Variants in TOX4 observed in about 807,000 individuals in gnomAD.
TOX4 encodes epidermal Langerhans cell protein LCP1.
A neutral mutation model predicts 61.0 loss-of-function variants in TOX4; 12 were observed. That is an observed-to-expected ratio of 0.20 (90% CI 0.13 to 0.32). TOX4 has a LOEUF of 0.32. TOX4 is among the 10% of genes least tolerant of loss of function. TOX4 has a pLI of 1.00. For missense variants in TOX4, 499 were observed against 753.3 expected, an observed-to-expected ratio of 0.66 and a Z score of 3.95; for synonymous variants, 268 against 274.8, an observed-to-expected ratio of 0.98 and a Z score of 0.24.
chr14:21,478,102 A>G (rs922388592), intron 2 of TOX4, among the ~76,000 whole-genome samples: 3 of 152,062 alleles, frequency 2.0e-5, no homozygotes, highest in Admixed American at 2.0e-4. Flanking sequence ...ACGCTCGGCT[A>G]ATTTTTGTAT....
Position 21,477,552 on chromosome 14 carries a change from G to A in TOX4, c.63G>A (p.Leu21=). ...LTITGPSHPF[L]SGAETFHTPS... ...TCACAGGGCCTTCGCACCCCTTCCT[G>A]TCAGGGGCCGAGGTGAGCCAGAGCT... is the stretch of plus-strand genomic sequence containing the variant. Residue 21 remains leucine (L), a synonymous_variant, in exon 2 of 9, where the codon CTG becomes CTA. Coordinates refer to ENST00000448790, the MANE Select transcript of TOX4 (RefSeq NM_014828.4). 1.2e-6 allele frequency: 2 copies of A among 1,613,698 alleles called. No individual in the cohort carries two copies. The highest frequency in any genetic ancestry group is 1.3e-5 in the African/African-American group (1 of 75,028).
chr14:21,479,359 A>G (rs1011745603), intron 2 of TOX4, among the ~76,000 whole-genome samples: 1 of 151,358 alleles, frequency 6.6e-6, no homozygotes, highest in Non-Finnish European at 1.5e-5. Flanking sequence ...AATTTTAAAA[A>G]AACAGGTGAG....
At chr14:21,495,014 C>G (rs1052361035) in intron 7 of TOX4, among the ~76,000 whole-genome samples, 1 of 152,104 alleles carries the variant, frequency 6.6e-6, no homozygotes, top group Non-Finnish European at 1.5e-5. Context: ...CACCTTTCTC[C>G]TGATGGGAAG....
Position 21,495,267 on chromosome 14 carries a change from T to C in TOX4, c.1680T>C (p.Ser560=), listed in dbSNP as rs1371661939. ...SPSQMDVELV[S]GSPVALSPQP... ...CTCAGATGGATGTTGAATTGGTGAG[T>C]GGGTCTCCTGTGGCACTCTCACCCC... Residue 560 remains serine, a synonymous_variant, in exon 8 of 9, where the codon AGT becomes AGC. Transcript: ENST00000448790. 2.5e-6 allele frequency: 4 copies of C among 1,614,054 alleles called. No homozygotes were observed. Among genetic ancestry groups the C allele is most frequent in the Non-Finnish European group, 3.4e-6 (4 of 1,180,048 alleles).
chr14:21,485,874 G>GAAA (rs552068062), intron 2 of TOX4, among the ~76,000 whole-genome samples: 4 of 75,390 alleles, frequency 5.3e-5, no homozygotes, highest in African/African-American at 1.5e-4. Context: ...TCAAAAAAAA[G>GAAA]AAAAAAAAAA....
At position 21,492,951 on chromosome 14, in the gene TOX4, C is replaced by T. The variant is rs1594431466; in HGVS notation, c.1335C>T (p.Pro445=). The change falls in exon 7 of 9, where the codon CCC becomes CCT. Residue 445 remains proline (P), a synonymous_variant. Coordinates refer to ENST00000448790, the MANE Select transcript of TOX4 (RefSeq NM_014828.4). ...AACTGCCTCCACCCCGACTACAGCC[C>T]CCTCCATTACAACAGATGCCACAGC... is the stretch of plus-strand genomic sequence containing the variant. ...SMQLPPPRLQ[P]PPLQQMPQPP... 1 of 1,613,550 alleles carries T rather than the reference C, an allele frequency of 6.2e-7. No individual in the cohort carries two copies. The highest frequency in any genetic ancestry group is 8.5e-7 in the Non-Finnish European group (1 of 1,179,854).
chr14:21,495,167 C>A, intron 7 of TOX4, 62 bp from the exon 8 acceptor site: 1 of 1,563,628 alleles, frequency 6.4e-7, no homozygotes, highest in Non-Finnish European at 8.7e-7. Flanking sequence ...GATAATTTAG[C>A]TAACTAGCTA....
intron 2 of TOX4, 86 bp from the exon 3 acceptor site, chr14:21,487,365 C>G: frequency 6.6e-7 from 1 of 1,515,404 alleles, no homozygotes; most frequent in East Asian, 2.3e-5. Flanking sequence ...TCCTGAGAAT[C>G]TCTAGTACCC....
At position 21,495,965 on chromosome 14, in the gene TOX4, G is replaced by A. The variant is rs189091917; in HGVS notation, c.1805+573G>A. 658 of 153,248 alleles carry A rather than the reference G, an allele frequency of 4.3e-3. 4 individuals are homozygous for A. Among genetic ancestry groups the A allele is most frequent in the Non-Finnish European group, 5.9e-3 (405 of 68,842 alleles). The allele number at this position is 153,248 out of a possible 1,614,324, so 9.5% of individuals were successfully genotyped here. A position where few individuals can be genotyped will look rare whatever the true frequency, so the allele number is the denominator to read the frequency against. ...CAAGGTGATACTATCTCACCATAAT[G>A]CTGTAGGAAATTATCTGGGAACCTA... On this transcript the variant is annotated intron_variant, in intron 8 of 8. Transcript: ENST00000448790.
Position 21,477,288 on chromosome 14 carries a change from G to A in TOX4, c.6+4G>A. ...GAGCGGTTGTGTGAAGATGGAGGTAGGAACCTGATAGCTAAGAAGGCTGGC... is the reference window on the plus strand; with the variant it reads ...GAGCGGTTGTGTGAAGATGGAGGTAAGAACCTGATAGCTAAGAAGGCTGGC... On this transcript the variant is annotated splice_donor_region_variant and intron_variant, in intron 1 of 8. Transcript: ENST00000448790. 6.2e-7 allele frequency: 1 copy of A among 1,614,070 alleles called. No individual in the cohort carries two copies.
At chr14:21,494,945 C>T (rs1891369787) in intron 7 of TOX4, among the ~76,000 whole-genome samples, 1 of 151,180 alleles carries the variant, frequency 6.6e-6, no homozygotes. Flanking sequence ...CACTACCTCT[C>T]TATTCCCACT....
At chr14:21,477,655 G>A in intron 2 of TOX4, 91 bp downstream of exon 2, 2 of 1,462,112 alleles carry the variant, frequency 1.4e-6, no homozygotes, top group South Asian at 2.3e-5. Context: ...CCGGGGACGG[G>A]GGCTGGGAAC....
chr14:21,493,567 G>A (rs752297284), intron 7 of TOX4, among the ~76,000 whole-genome samples: 5 of 151,842 alleles, frequency 3.3e-5, no homozygotes, highest in Non-Finnish European at 5.9e-5. Flanking sequence ...TCAGCCTCCC[G>A]AGTGGCTGGG....
In TOX4 at chr14:21,487,443, C is replaced by T. The variant is rs199784531; in HGVS notation, c.76-8C>T. 2 of 1,608,128 alleles carry T rather than the reference C, an allele frequency of 1.2e-6. No individual in the cohort carries two copies. The highest frequency in any genetic ancestry group is 1.7e-6 in the Non-Finnish European group (2 of 1,177,366). ...CACTAATTCTTTTCCCCCTTTTTTC[C>T]CCTACAGACATTCCATACACCAAGC... is the stretch of plus-strand genomic sequence containing the variant. On this transcript the variant is annotated splice_region_variant and splice_polypyrimidine_tract_variant and intron_variant, in intron 2 of 8. Transcript: ENST00000448790.
At chr14:21,478,135 A>G (rs535316242) in intron 2 of TOX4, among the ~76,000 whole-genome samples, 90 of 152,258 alleles carry the variant, frequency 5.9e-4, no homozygotes, top group African/African-American at 2.1e-3. Flanking sequence ...TGGCAGTTTC[A>G]CCATATTGGC....
intron 5 of TOX4, 133 bp from the exon 6 acceptor site, chr14:21,492,163 G>A: frequency 1.2e-6 from 1 of 824,486 alleles, no homozygotes; most frequent in Non-Finnish European, 1.9e-6. Flanking sequence ...TTTCAGAATT[G>A]AATTCACTGA....
At chr14:21,487,374 C>T (rs1891206049) in intron 2 of TOX4, 77 bp from the exon 3 acceptor site, 3 of 1,538,806 alleles carry the variant, frequency 1.9e-6, no homozygotes, top group Non-Finnish European at 2.6e-6. Context: ...TCTCTAGTAC[C>T]CCATTATGTT....
intron 2 of TOX4, 37 bp from the exon 3 acceptor site, chr14:21,487,414 T>C: frequency 4.4e-6 from 7 of 1,603,726 alleles, no homozygotes; most frequent in Non-Finnish European, 6.0e-6. Flanking sequence ...ATTTCTCCTC[T>C]TTTCACTAAT....
Position 21,498,952 on chromosome 14 carries a change from A to C in TOX4, c.*2346A>C. ...TATGGACTAGTGTAAAACAATGTGA[A>C]GCTCTACTAAGTTCTGTCCTTAATC... On this transcript the variant is annotated 3_prime_UTR_variant, in exon 9 of 9. Coordinates refer to ENST00000448790, the MANE Select transcript of TOX4 (RefSeq NM_014828.4). 1 of 1,003,160 alleles carries C rather than the reference A, an allele frequency of 1.0e-6. No individual in the cohort carries two copies. The highest frequency in any genetic ancestry group is 1.3e-5 in the South Asian group (1 of 76,332). The allele number at this position is 1,003,160 out of a possible 1,614,324, so 62.1% of individuals were successfully genotyped here.
Sources: allele counts gnomAD v4.1 joint callset (sites outside exome capture counted in the v4.1 genomes callset), GRCh38; gene constraint gnomAD v4.1.1; transcripts MANE v1.5; gene names NCBI Gene and HGNC (gene_info 2026-07-23, HGNC 2026-07-21).